DOCK2: variants seen among roughly 807,000 people sequenced by gnomAD.
DOCK2 encodes dedicator of cytokinesis 2.
Under a neutral mutation model 248.9 loss-of-function variants are expected in DOCK2, and 87 were observed. The observed-to-expected ratio is 0.35, with a 90% CI of 0.29 to 0.42. DOCK2 has a LOEUF of 0.42. Ranked by LOEUF, DOCK2 falls within the 10% of genes least tolerant of loss-of-function variation. The pLI, the probability that DOCK2 is intolerant of heterozygous loss-of-function variation, is 1.00. For synonymous variants in DOCK2, 805 were observed against 821.6 expected (o/e 0.98, Z 0.35); for missense variants, 1,747 against 2,300.2 (o/e 0.76, Z 4.92).
chr5:169,928,477 C>G (rs1345922214), intron 27 of DOCK2, among the ~76,000 whole-genome samples: 1 of 152,220 alleles, frequency 6.6e-6, no homozygotes, highest in Non-Finnish European at 1.5e-5. Context: ...CCTCGCTTCC[C>G]CATGCATCAG....
chr5:169,927,733 C>T (rs892734606), intron 27 of DOCK2, among the ~76,000 whole-genome samples: 4 of 152,248 alleles, frequency 2.6e-5, no homozygotes, highest in African/African-American at 4.8e-5. Flanking sequence ...TCTCCTGCCT[C>T]AGCCTCCCGA....
chr5:169,856,667 C>G (rs930892237), intron 27 of DOCK2, among the ~76,000 whole-genome samples: 1 of 152,310 alleles, frequency 6.6e-6, no homozygotes, highest in South Asian at 2.1e-4. Context: ...CTCATCACCT[C>G]CATCACCCAT....
rs1048929834 is a variant in DOCK2 at position 169,763,621 on chromosome 5, G to A, written c.2554+1996G>A. Among the ~76,000 whole-genome samples, 16 of 152,230 alleles carry A rather than the reference G, an allele frequency of 1.1e-4. No individual in the cohort carries two copies. The highest frequency in any genetic ancestry group is 3.6e-4 in the African/African-American group (15 of 41,458). Reference sequence around the variant, plus strand: ...GCCTCTGAGGGTTAGCATCATGGCAGGGCAGGCTGGACAGCTGCTGCTTCT... The same window carrying A: ...GCCTCTGAGGGTTAGCATCATGGCAAGGCAGGCTGGACAGCTGCTGCTTCT... On this transcript the variant is annotated intron_variant, in intron 25 of 51. Transcript: ENST00000520908. The surrounding 1 kb of genome is among the most constrained non-coding windows in gnomAD (Gnocchi z 4.1).
intron 25 of DOCK2, among the ~76,000 whole-genome samples, chr5:169,788,313 G>A (rs1011092295): frequency 6.6e-6 from 1 of 151,854 alleles, no homozygotes; most frequent in Non-Finnish European, 1.5e-5. Flanking sequence ...TGCCATGGAG[G>A]GACAAGCACA....
intron 26 of DOCK2, among the ~76,000 whole-genome samples, chr5:169,822,031 C>T (rs1469130872): frequency 6.6e-6 from 1 of 152,176 alleles, no homozygotes; most frequent in Non-Finnish European, 1.5e-5. Flanking sequence ...AAAGCCATTA[C>T]ATAATGGTAA....
At chr5:170,080,324 G>A in intron 50 of DOCK2, 41 bp downstream of exon 50, 2 of 1,609,748 alleles carry the variant, frequency 1.2e-6, no homozygotes, top group Non-Finnish European at 8.5e-7. Flanking sequence ...AGTAGAGATA[G>A]TGCAGGCCAC....
At chr5:170,005,105 A>G (rs1446471594) in intron 30 of DOCK2, among the ~76,000 whole-genome samples, 1 of 152,160 alleles carries the variant, frequency 6.6e-6, no homozygotes, top group Non-Finnish European at 1.5e-5. Flanking sequence ...CCATACTACA[A>G]CATGGGTGAA....
At chr5:169,727,583 A>G (rs1275457547) in intron 22 of DOCK2, among the ~76,000 whole-genome samples, 1 of 152,204 alleles carries the variant, frequency 6.6e-6, no homozygotes, top group Non-Finnish European at 1.5e-5. Flanking sequence ...ATTTTGATGT[A>G]GATCCTACCT....
chr5:169,905,004 C>T (rs1288296720), intron 27 of DOCK2, among the ~76,000 whole-genome samples: 3 of 152,190 alleles, frequency 2.0e-5, no homozygotes, highest in Non-Finnish European at 4.4e-5. Context: ...CCCTGAGCCT[C>T]AGTCACTCAT....
chr5:169,969,705 G>A (rs1229461571), intron 27 of DOCK2, among the ~76,000 whole-genome samples: 2 of 152,080 alleles, frequency 1.3e-5, no homozygotes, highest in Non-Finnish European at 2.9e-5. Flanking sequence ...AGAACTAGGT[G>A]GGGTGACCAA....
intron 27 of DOCK2, among the ~76,000 whole-genome samples, chr5:169,909,542 C>T (rs1247845816): frequency 1.3e-5 from 2 of 152,160 alleles, no homozygotes; most frequent in Admixed American, 6.5e-5. Context: ...TTATGTCAGT[C>T]CTGCAAGGTG....
At position 170,066,287 on chromosome 5, in the gene DOCK2, T is replaced by TA. The variant is rs1008907613; in HGVS notation, c.4468-1214dup. The stretch of plus-strand genomic sequence containing the variant: ...AAAGTAGACTTTAAATGAAAAACTG[T>TA]AAAAAAAAACAAAACAAAAGACAAG... On this transcript the variant is annotated intron_variant, in intron 44 of 51. Coordinates refer to ENST00000520908, the MANE Select transcript of DOCK2 (RefSeq NM_004946.3). Among the ~76,000 whole-genome samples, 98 of 149,206 alleles carry TA rather than the reference T, an allele frequency of 6.6e-4. 1 individual carries two copies. The highest frequency in any genetic ancestry group is 1.7e-3 in the African/African-American group (68 of 40,240).
intron 27 of DOCK2, among the ~76,000 whole-genome samples, chr5:169,978,113 A>C (rs1229584072): frequency 6.6e-6 from 1 of 151,916 alleles, no homozygotes; most frequent in Non-Finnish European, 1.5e-5. Context: ...GGTCGTGCGC[A>C]TTATTTGAAG....
At chr5:169,821,349 A>G (rs1010109929) in intron 26 of DOCK2, among the ~76,000 whole-genome samples, 1 of 152,232 alleles carries the variant, frequency 6.6e-6, no homozygotes, top group Non-Finnish European at 1.5e-5. Flanking sequence ...GAAGGAAAAA[A>G]ATGTTAAGGG....
intron 37 of DOCK2, among the ~76,000 whole-genome samples, chr5:170,041,565 G>A (rs552804421): frequency 1.3e-5 from 2 of 152,276 alleles, no homozygotes; most frequent in African/African-American, 4.8e-5. Flanking sequence ...CACACAGAGA[G>A]CCAATAAAGA....
chr5:169,679,870 GTTT>G (rs1759560957), intron 6 of DOCK2, among the ~76,000 whole-genome samples: 1 of 152,210 alleles, frequency 6.6e-6, no homozygotes, highest in Non-Finnish European at 1.5e-5. Context: ...TGAAGACTTA[GTTT>G]CCTTCATTTG....
rs34726439 is a variant in DOCK2 at position 170,015,567 on chromosome 5, T to TTTTGTTTGTTTG, written c.3233-3381_3233-3370dup. ...CCCTTTTGAACTGATTTTAGGTTTT[T>TTTTGTTTGTTTG]TTTGTTTGTTTGTTTGTTTGTTTTT... On this transcript the variant is annotated intron_variant, in intron 32 of 51. Transcript: ENST00000520908. Among the ~76,000 whole-genome samples the TTTTGTTTGTTTG allele has an allele frequency of 4.4e-4, 67 of 151,074 alleles. 1 individual carries two copies. In the South Asian group the frequency reaches 0.012, roughly 27 times the overall value.
intron 27 of DOCK2, among the ~76,000 whole-genome samples, chr5:169,982,563 C>T (rs954406427): frequency 6.6e-6 from 1 of 152,206 alleles, no homozygotes; most frequent in African/African-American, 2.4e-5. Flanking sequence ...CATCTCTTCT[C>T]ATTTCTTTCA....
chr5:169,987,389 A>G (rs995645854), intron 29 of DOCK2, among the ~76,000 whole-genome samples: 1 of 152,244 alleles, frequency 6.6e-6, no homozygotes, highest in South Asian at 2.1e-4. Context: ...CAGTTCTACC[A>G]AAACCACAAA....
Sources: allele counts gnomAD v4.1 joint callset (sites outside exome capture counted in the v4.1 genomes callset), GRCh38; gene constraint gnomAD v4.1.1; non-coding constraint Gnocchi (gnomAD v3.1); transcripts MANE v1.5; gene names NCBI Gene and HGNC (gene_info 2026-07-23, HGNC 2026-07-21).